ARL14EPL: variants seen among roughly 807,000 people sequenced by gnomAD.
ARL14EPL encodes ARL14 effector protein-like.
In ARL14EPL, 17 loss-of-function variants were observed where a neutral mutation model predicts 15.9. That is an observed-to-expected ratio of 1.07 (90% CI 0.73 to 1.60). The LOEUF (loss-of-function observed/expected upper bound fraction) is 1.60. Ranked by LOEUF, ARL14EPL falls within the 40% of genes most tolerant of loss-of-function variation. The pLI, the probability that ARL14EPL is intolerant of heterozygous loss-of-function variation, is 0.00. For synonymous variants in ARL14EPL, 78 were observed against 63.8 expected (o/e 1.22, Z -1.06); for missense variants, 214 against 185.9 (o/e 1.15, Z -0.88).
intron 3 of ARL14EPL, among the ~76,000 whole-genome samples, chr5:116,058,317 G>T (rs763434644): frequency 1.3e-5 from 2 of 152,210 alleles, no homozygotes; most frequent in Non-Finnish European, 2.9e-5. Context: ...AAAATAATCT[G>T]TTAGGGAAAA....
chr5:116,048,680 G>A (rs1453777484), intron 1 of ARL14EPL, among the ~76,000 whole-genome samples: 2 of 152,056 alleles, frequency 1.3e-5, no homozygotes, highest in Non-Finnish European at 1.5e-5. Context: ...ACGGCAACTC[G>A]AGTGGGATCC....
At chr5:116,040,159 A>G (rs1749122405) in intron 1 of ARL14EPL, among the ~76,000 whole-genome samples, 2 of 152,082 alleles carry the variant, frequency 1.3e-5, no homozygotes, top group African/African-American at 4.8e-5. Flanking sequence ...CTTAGAATAA[A>G]TTTCCCAAAG....
chr5:116,045,689 A>C (rs1749252503), intron 1 of ARL14EPL, among the ~76,000 whole-genome samples: 1 of 152,034 alleles, frequency 6.6e-6, no homozygotes, highest in South Asian at 2.1e-4. Context: ...GTGCACTTTC[A>C]AATTATTTTA....
At chr5:116,052,527 G>A (rs928867502) in intron 2 of ARL14EPL, among the ~76,000 whole-genome samples, 5 of 152,218 alleles carry the variant, frequency 3.3e-5, no homozygotes, top group South Asian at 2.1e-4. Flanking sequence ...CCACTAGTAC[G>A]TGGCAGAGCC....
At chr5:116,040,393 G>A (rs951972465) in intron 1 of ARL14EPL, among the ~76,000 whole-genome samples, 65 of 150,914 alleles carry the variant, frequency 4.3e-4, no homozygotes, top group African/African-American at 1.1e-3. Context: ...AATTATAGCC[G>A]TTTGGTATAT....
At chr5:116,056,944 A>G (rs892459722) in intron 3 of ARL14EPL, among the ~76,000 whole-genome samples, 1 of 152,220 alleles carries the variant, frequency 6.6e-6, no homozygotes, top group Admixed American at 6.5e-5. Context: ...CATCATCCTG[A>G]TACCAAAGCC....
At position 116,059,212 on chromosome 5, in the gene ARL14EPL, T is replaced by C; in HGVS notation, c.*265T>C. ...TTCTCATCAGCACCCTCATCTCTAC[T>C]CTGCCTTCAAATTAAAACTCTCTTC... On this transcript the variant is annotated 3_prime_UTR_variant, in exon 4 of 4. Transcript: ENST00000686077. 2.5e-6 allele frequency: 1 copy of C among 403,300 alleles called. No individual in the cohort carries two copies. The highest frequency in any genetic ancestry group is 4.5e-5 in the East Asian group (1 of 22,152). The allele number at this position is 403,300 out of a possible 1,614,324, so 25.0% of individuals were successfully genotyped here.
intron 1 of ARL14EPL, among the ~76,000 whole-genome samples, chr5:116,047,459 T>C (rs1039609697): frequency 1.3e-5 from 2 of 152,234 alleles, no homozygotes; most frequent in African/African-American, 4.8e-5. Flanking sequence ...TTAGTATCTT[T>C]GTGACTCAAA....
intron 1 of ARL14EPL, among the ~76,000 whole-genome samples, chr5:116,033,807 G>GA (rs1180047921): frequency 2.0e-5 from 3 of 152,098 alleles, no homozygotes; most frequent in East Asian, 1.9e-4. Flanking sequence ...TTTGTTTCGT[G>GA]AAAAAAAGGC....
intron 2 of ARL14EPL, chr5:116,051,969 C>T: frequency 6.2e-7 from 1 of 1,612,154 alleles, no homozygotes; most frequent in South Asian, 1.1e-5. Flanking sequence ...GTGTAAATTA[C>T]TTGAGCTCTG....
chr5:116,052,369 C>T (rs746335695), intron 2 of ARL14EPL: 2 of 792,738 alleles, frequency 2.5e-6, no homozygotes, highest in Non-Finnish European at 4.4e-6. Flanking sequence ...ATTTAATGAA[C>T]CTTTATTTTG....
intron 1 of ARL14EPL, among the ~76,000 whole-genome samples, chr5:116,047,490 T>A (rs1051406349): frequency 6.6e-6 from 1 of 152,352 alleles, no homozygotes; most frequent in East Asian, 1.9e-4. Context: ...TGAGCCTTGG[T>A]TTCCTCAGCT....
intron 1 of ARL14EPL, among the ~76,000 whole-genome samples, chr5:116,044,464 A>G (rs533590973): frequency 2.1e-5 from 3 of 143,146 alleles, no homozygotes; most frequent in Non-Finnish European, 4.7e-5. Flanking sequence ...GAAGAAAAAC[A>G]TTATATATAT....
chr5:116,052,210 G>A (rs1000310513), intron 2 of ARL14EPL: 17 of 1,606,020 alleles, frequency 1.1e-5, no homozygotes, highest in South Asian at 9.9e-5. Context: ...CCTTGCCCCC[G>A]GATTTGTTCA....
chr5:116,035,253 A>G (rs997853055), intron 1 of ARL14EPL, among the ~76,000 whole-genome samples: 1 of 152,156 alleles, frequency 6.6e-6, no homozygotes, highest in Non-Finnish European at 1.5e-5. Flanking sequence ...ATCTCACCAT[A>G]TTATCCTCAC....
chr5:116,035,486 C>CT (rs1749032076), intron 1 of ARL14EPL, among the ~76,000 whole-genome samples: 1 of 152,178 alleles, frequency 6.6e-6, no homozygotes, highest in African/African-American at 2.4e-5. Flanking sequence ...ACCAAATCGG[C>CT]TTTTTTGACT....
rs1184389803 is a variant in ARL14EPL, at chr5:116,054,021, T to C, written c.104T>C (p.Ile35Thr). 3.3e-6 allele frequency: 5 copies of C among 1,533,758 alleles called. No homozygotes were observed. The highest frequency in any genetic ancestry group is 3.3e-4 in the Middle Eastern group (2 of 5,998). The change falls in exon 3 of 4, where the codon ATA becomes ACA. Residue 35 changes from isoleucine (I) to threonine (T), a missense_variant. Physicochemically the swap from Ile to Thr is moderately conservative, Grantham distance 89. Transcript: ENST00000686077. ...CATTTATTTGTTTAATAGCAACAAA[T>C]AGAGCGGCAGTTAAAATGCTTGGCA... ...CQIGQKQLQQIERQLKCLAFR... is the reference protein window; with the variant it reads ...CQIGQKQLQQTERQLKCLAFR...
chr5:116,034,315 G>A (rs565103099), intron 1 of ARL14EPL, among the ~76,000 whole-genome samples: 33 of 152,258 alleles, frequency 2.2e-4, no homozygotes, highest in African/African-American at 4.6e-4. Context: ...AGAATGCCCC[G>A]TAACAGAGAA....
At chr5:116,051,639 G>T (rs1206980095) in intron 2 of ARL14EPL, 78 bp downstream of exon 2, 9 of 1,220,986 alleles carry the variant, frequency 7.4e-6, no homozygotes, top group East Asian at 2.5e-5. Flanking sequence ...CATGGATGTG[G>T]GTGGGAAGGT....
Sources: allele counts gnomAD v4.1 joint callset (sites outside exome capture counted in the v4.1 genomes callset), GRCh38; gene constraint gnomAD v4.1.1; transcripts MANE v1.5; gene names NCBI Gene and HGNC (gene_info 2026-07-23, HGNC 2026-07-21).